The following GRIA1 variants were observed in gnomAD, a reference collection of about 807,000 sequenced individuals.
GRIA1 encodes the protein glutamate ionotropic receptor AMPA type subunit 1.
In GRIA1, 31 loss-of-function variants were observed where a neutral mutation model predicts 99.2. That is an observed-to-expected ratio of 0.31 (90% CI 0.23 to 0.42). GRIA1 has a LOEUF of 0.42. Among genes scored for constraint, GRIA1 ranks in the 10% least tolerant of loss-of-function variants. The pLI is 1.00. For synonymous variants in GRIA1, 438 were observed against 432.4 expected (o/e 1.01, Z -0.16); for missense variants, 782 against 1,157.5 (o/e 0.68, Z 4.71).
At chr5:153,742,569 A>T (rs574201874) in intron 11 of GRIA1, among the ~76,000 whole-genome samples, 1 of 152,164 alleles carries the variant, frequency 6.6e-6, no homozygotes, top group East Asian at 1.9e-4. Context: ...TGTTTTGCTC[A>T]TTCAGGTTGT....
At position 153,679,068 on chromosome 5, in the gene GRIA1, T is replaced by C. The variant is rs536414334; in HGVS notation, c.1029+1907T>C. On this transcript the variant is annotated intron_variant, in intron 7 of 15. Coordinates refer to ENST00000285900, the MANE Select transcript of GRIA1 (RefSeq NM_000827.4). ...CTCAGTAGGGTTTGAAAGGAAGCAG[T>C]TTCCATAGTCAAAAGAACAATGACC... Among the ~76,000 whole-genome samples the C allele has an allele frequency of 3.3e-5, 5 of 152,326 alleles. No individual in the cohort carries two copies. In the South Asian group the frequency reaches 1.0e-3, roughly 32 times the overall value.
chr5:153,693,367 G>A (rs568415008), intron 8 of GRIA1, among the ~76,000 whole-genome samples: 2 of 152,238 alleles, frequency 1.3e-5, no homozygotes, highest in South Asian at 4.1e-4. Flanking sequence ...TCTACACCAT[G>A]GAAGGAAAAT....
intron 8 of GRIA1, among the ~76,000 whole-genome samples, chr5:153,693,386 T>C (rs1448306036): frequency 2.0e-5 from 3 of 152,162 alleles, no homozygotes; most frequent in East Asian, 1.9e-4. Context: ...ATAAGAATGC[T>C]TGGGAGTCAG....
intron 2 of GRIA1, among the ~76,000 whole-genome samples, chr5:153,602,274 A>G (rs778828): frequency 0.98 from 148,702 of 151,356 alleles, 73,094 homozygotes; most frequent in East Asian, 1. Flanking sequence ...GTAAACTATC[A>G]CAAGGACAAA....
chr5:153,699,014 G>A lies in GRIA1; in HGVS notation c.1393G>A (p.Gly465Arg), dbSNP rs1758317061. The A allele has an allele frequency of 3.1e-6, 5 of 1,613,898 alleles. No homozygotes were observed. Among genetic ancestry groups the A allele is most frequent in the East Asian group, 2.2e-5 (1 of 44,858 alleles). Reference protein sequence around the residue: ...RLEIVSDGKYGARDPDTKAWN... With the variant: ...RLEIVSDGKYRARDPDTKAWN... ...GGAGATTGTCAGTGATGGAAAATAC[G>A]GAGCCCGAGACCCTGACACGAAGGC... Residue 465 changes from glycine (G) to arginine (R), a missense_variant, in exon 10 of 16, where the codon GGA becomes AGA. By Grantham distance (125) the Gly-to-Arg change is moderately radical. Transcript: ENST00000285900.
At chr5:153,505,969 C>T (rs1356887816) in intron 2 of GRIA1, among the ~76,000 whole-genome samples, 1 of 152,168 alleles carries the variant, frequency 6.6e-6, no homozygotes, top group East Asian at 1.9e-4. Flanking sequence ...GTAAATTCCC[C>T]TGTGGAATGT....
chr5:153,647,069 T>C lies in GRIA1; in HGVS notation c.362T>C (p.Phe121Ser). The change falls in exon 3 of 16, where the codon TTT (phenylalanine) becomes TCT (serine). Residue 121 changes from phenylalanine to serine, a missense_variant. Phe to Ser is a radical substitution (Grantham distance 155, BLOSUM62 -2). This residue lies in a region of GRIA1 where 461 missense variants were observed against 521.7 expected (regional missense o/e 0.88). Coordinates refer to ENST00000285900, the MANE Select transcript of GRIA1 (RefSeq NM_000827.4). ...PSFPVDTSNQ[F>S]VLQLRPELQD... The stretch of plus-strand genomic sequence containing the variant: ...TTTCCCGTTGATACATCCAATCAGT[T>C]TGTCCTTCAGCTGCGCCCTGAACTG... The C allele has an allele frequency of 6.2e-7, 1 of 1,613,972 alleles. No homozygotes were observed. Among genetic ancestry groups the C allele is most frequent in the Non-Finnish European group, 8.5e-7 (1 of 1,179,924 alleles).
rs1330891096 is a variant in GRIA1, at chr5:153,716,640, G to GC, written c.1823+10574dup. ...GGGAGATGGTGAGACAGAAATATGA[G>GC]CAAAAATGTAACTGGTGCCACTTTG... On this transcript the variant is annotated intron_variant, in intron 11 of 15. Coordinates refer to ENST00000285900, the MANE Select transcript of GRIA1 (RefSeq NM_000827.4). Among the ~76,000 whole-genome samples the GC allele has an allele frequency of 4.7e-5, 7 of 149,166 alleles. No individual in the cohort carries two copies. The East Asian group carries it at 1.9e-3, about 41-fold the overall frequency.
intron 2 of GRIA1, among the ~76,000 whole-genome samples, chr5:153,549,876 A>T (rs911467254): frequency 6.6e-6 from 1 of 152,152 alleles, no homozygotes; most frequent in African/African-American, 2.4e-5. Context: ...AAATTATATT[A>T]TCCATCTAGG....
chr5:153,760,963 A>T (rs1763145131), intron 11 of GRIA1, among the ~76,000 whole-genome samples: 1 of 152,156 alleles, frequency 6.6e-6, no homozygotes, highest in African/African-American at 2.4e-5. Flanking sequence ...GTGCTGGGAA[A>T]ATTGGATATC....
At chr5:153,541,029 C>G (rs533530695) in intron 2 of GRIA1, among the ~76,000 whole-genome samples, 1 of 152,308 alleles carries the variant, frequency 6.6e-6, no homozygotes, top group African/African-American at 2.4e-5. Flanking sequence ...CATTTCCAGG[C>G]TCTTCTCTTC....
chr5:153,667,411 A>G (rs928723385), intron 5 of GRIA1, among the ~76,000 whole-genome samples: 3 of 152,190 alleles, frequency 2.0e-5, no homozygotes, highest in Non-Finnish European at 1.5e-5. Context: ...TTCGATAGCT[A>G]TGTTCCTATA....
intron 10 of GRIA1, among the ~76,000 whole-genome samples, chr5:153,700,107 G>A (rs752963847): frequency 1.5e-4 from 23 of 152,294 alleles, no homozygotes; most frequent in South Asian, 6.2e-4. Context: ...CCGAGAGGCC[G>A]GGCACAGTGG....
At chr5:153,670,455 G>A (rs1183066401) in intron 5 of GRIA1, among the ~76,000 whole-genome samples, 1 of 145,710 alleles carries the variant, frequency 6.9e-6, no homozygotes, top group African/African-American at 2.5e-5. Context: ...TTTTTTTTTT[G>A]TCAGTAGTAA....
chr5:153,525,758 C>T (rs1306764668), intron 2 of GRIA1, among the ~76,000 whole-genome samples: 1 of 152,268 alleles, frequency 6.6e-6, no homozygotes, highest in Admixed American at 6.5e-5. Flanking sequence ...CAAACCACAA[C>T]CCTCTCTCCT....
intron 11 of GRIA1, among the ~76,000 whole-genome samples, chr5:153,731,698 C>A (rs917700133): frequency 1.3e-5 from 2 of 152,082 alleles, no homozygotes; most frequent in African/African-American, 4.8e-5. Flanking sequence ...CATCCATAAT[C>A]AAGCTAATTA....
intron 8 of GRIA1, 43 bp downstream of exon 8, chr5:153,686,372 G>A (rs765052718): frequency 3.5e-5 from 50 of 1,447,992 alleles, no homozygotes; most frequent in Non-Finnish European, 4.3e-5. Context: ...AGAAGAGGCT[G>A]AGCAGGGACT....
At chr5:153,736,576 G>T (rs1210515334) in intron 11 of GRIA1, among the ~76,000 whole-genome samples, 1 of 152,122 alleles carries the variant, frequency 6.6e-6, no homozygotes, top group Non-Finnish European at 1.5e-5. Context: ...TGGATGTTTG[G>T]GGGTAGCTGA....
chr5:153,768,554 T>C (rs1192785532), intron 12 of GRIA1, among the ~76,000 whole-genome samples: 1 of 152,178 alleles, frequency 6.6e-6, no homozygotes, highest in Non-Finnish European at 1.5e-5. Context: ...GAAGTTTTAA[T>C]AGCAACTATT....
Sources: gnomAD v4.1 joint callset for allele counts (sites outside exome capture counted in the v4.1 genomes callset) on GRCh38, gnomAD v4.1.1 for gene constraint, gnomAD v4.1.1 regional missense constraint, MANE v1.5 for transcripts, NCBI Gene and HGNC (gene_info 2026-07-23, HGNC 2026-07-21) for gene names.